SAMTOR: variants seen among roughly 807,000 people sequenced by gnomAD.
SAMTOR encodes UPF0532 protein C7orf60.
chr7:112,849,893 TTTATTGA>T, the SAMTOR span, among the ~76,000 whole-genome samples: 1 of 152,128 alleles, frequency 6.6e-6, no homozygotes, highest in African/African-American at 2.4e-5. Context: ...ATGAATGACA[TTTATTGA>T]TTGCATATGT....
chr7:112,863,662 A>C, the SAMTOR span, among the ~76,000 whole-genome samples: 1 of 152,236 alleles, frequency 6.6e-6, no homozygotes, highest in Non-Finnish European at 1.5e-5. Context: ...CACAGCCAAG[A>C]ATCATATGAA....
the SAMTOR span, among the ~76,000 whole-genome samples, chr7:112,827,489 C>T: frequency 1.3e-5 from 2 of 152,068 alleles, no homozygotes; most frequent in African/African-American, 4.8e-5. Context: ...TGATATTACA[C>T]CACTTAATGT....
At chr7:112,916,974 A>C in the SAMTOR span, among the ~76,000 whole-genome samples, 1 of 152,228 alleles carries the variant, frequency 6.6e-6, no homozygotes, top group Non-Finnish European at 1.5e-5. Flanking sequence ...CCACAGCTCA[A>C]GGAGGCCTGC....
chr7:112,902,238 C>G, the SAMTOR span, among the ~76,000 whole-genome samples: 1 of 151,066 alleles, frequency 6.6e-6, no homozygotes. Flanking sequence ...TCCGTGTCTA[C>G]TAAATATACA....
chr7:112,882,179 C>T, the SAMTOR span, among the ~76,000 whole-genome samples: 22 of 152,312 alleles, frequency 1.4e-4, no homozygotes, highest in African/African-American at 2.2e-4. Flanking sequence ...GTGCAGTGGC[C>T]GGACCCCATG....
At chr7:112,861,358 TGA>T in the SAMTOR span, among the ~76,000 whole-genome samples, 4 of 152,282 alleles carry the variant, frequency 2.6e-5, no homozygotes, top group South Asian at 8.3e-4. Flanking sequence ...AATGACTTAG[TGA>T]GCTGAGTGTG....
At chr7:112,928,161 A>ATGGGTT in the SAMTOR span, among the ~76,000 whole-genome samples, 1 of 152,036 alleles carries the variant, frequency 6.6e-6, no homozygotes, top group Non-Finnish European at 1.5e-5. Flanking sequence ...GTACAAGGAA[A>ATGGGTT]TGGGTTTAAA....
At chr7:112,916,450 G>A in the SAMTOR span, among the ~76,000 whole-genome samples, 2 of 152,126 alleles carry the variant, frequency 1.3e-5, no homozygotes, top group African/African-American at 4.8e-5. Flanking sequence ...ACTATAAATA[G>A]AGGGGGTTGG....
the SAMTOR span, among the ~76,000 whole-genome samples, chr7:112,921,909 G>A: frequency 6.6e-6 from 1 of 151,472 alleles, no homozygotes; most frequent in Admixed American, 6.6e-5. Context: ...ACACCACTTA[G>A]AATGGTTATC....
At chr7:112,935,889 A>G in the SAMTOR span, among the ~76,000 whole-genome samples, 2 of 150,584 alleles carry the variant, frequency 1.3e-5, no homozygotes, top group African/African-American at 2.4e-5. Flanking sequence ...ACGATTATGG[A>G]AAAAAAAAAT....
the SAMTOR span, chr7:112,832,719 G>GT: frequency 1.6e-6 from 2 of 1,215,994 alleles, no homozygotes; most frequent in Non-Finnish European, 2.4e-6. Flanking sequence ...ATATGAGAAT[G>GT]TAAGAAATCA....
chr7:112,921,841 C>T, the SAMTOR span, among the ~76,000 whole-genome samples: 1 of 145,570 alleles, frequency 6.9e-6, no homozygotes, highest in African/African-American at 2.6e-5. Context: ...TGAAAAAATG[C>T]TCACCATCAC....
the SAMTOR span, among the ~76,000 whole-genome samples, chr7:112,855,789 T>G: frequency 1.7e-3 from 262 of 152,264 alleles, no homozygotes; most frequent in African/African-American, 6.1e-3. Flanking sequence ...GTAAATTGAT[T>G]CTGTAAAATC....
chr7:112,924,854 A>T, the SAMTOR span, among the ~76,000 whole-genome samples: 1 of 151,996 alleles, frequency 6.6e-6, no homozygotes, highest in Non-Finnish European at 1.5e-5. Flanking sequence ...AATTCCTATT[A>T]ATGTTTTTTT....
At chr7:112,881,498 T>G in the SAMTOR span, among the ~76,000 whole-genome samples, 1 of 152,100 alleles carries the variant, frequency 6.6e-6, no homozygotes, top group Non-Finnish European at 1.5e-5. Context: ...AACCCTTGAC[T>G]CAGCCAGACT....
the SAMTOR span, among the ~76,000 whole-genome samples, chr7:112,852,978 T>C: frequency 6.6e-6 from 1 of 151,954 alleles, no homozygotes; most frequent in Non-Finnish European, 1.5e-5. Context: ...ACTAAAATGC[T>C]GTTAGGCTGG....
At chr7:112,865,181 G>A in the SAMTOR span, among the ~76,000 whole-genome samples, 2 of 152,138 alleles carry the variant, frequency 1.3e-5, no homozygotes, top group African/African-American at 4.8e-5. Flanking sequence ...CGGGCACAGT[G>A]GCTTATGCCT....
chr7:112,830,554 A>G, the SAMTOR span, among the ~76,000 whole-genome samples: 2 of 152,228 alleles, frequency 1.3e-5, no homozygotes, highest in African/African-American at 2.4e-5. Flanking sequence ...TCTCTCATGT[A>G]TATCTTGAGG....
the SAMTOR span, among the ~76,000 whole-genome samples, chr7:112,936,927 C>T: frequency 2.2e-4 from 33 of 152,106 alleles, no homozygotes; most frequent in Non-Finnish European, 4.7e-4. Context: ...TTTGGAGTCA[C>T]TAATATTAGG....
Sources: gnomAD v4.1 joint callset for allele counts (sites outside exome capture counted in the v4.1 genomes callset) on GRCh38, gnomAD v4.1.1 for gene constraint, MANE v1.5 for transcripts, NCBI Gene and HGNC (gene_info 2026-07-23, HGNC 2026-07-21) for gene names.